TRPM3: variants seen among roughly 807,000 people sequenced by gnomAD.
TRPM3 encodes long transient receptor potential channel 3.
A neutral mutation model predicts 181.2 loss-of-function variants in TRPM3; 77 were observed. The ratio of observed to expected loss-of-function variants is 0.42; its 90% CI spans 0.35 to 0.51. TRPM3 has a LOEUF of 0.51. Among genes scored for constraint, TRPM3 ranks in the 20% least tolerant of loss-of-function variants. The pLI is 0.01. For missense variants in TRPM3, 1,759 were observed against 2,196.7 expected (o/e 0.80, Z 3.98); for synonymous variants, 745 against 796.4 (o/e 0.94, Z 1.09).
At chr9:70,866,146 C>T (rs2095645711) in intron 1 of TRPM3, among the ~76,000 whole-genome samples, 1 of 152,074 alleles carries the variant, frequency 6.6e-6, no homozygotes, top group African/African-American at 2.4e-5. Context: ...TCTCCAGACA[C>T]TGAATACTTT....
chr9:71,064,932 A>G (rs1415278904), intron 1 of TRPM3, among the ~76,000 whole-genome samples: 1 of 152,148 alleles, frequency 6.6e-6, no homozygotes, highest in Non-Finnish European at 1.5e-5. Context: ...GGCACATTCC[A>G]GTTATTCAAA....
intron 1 of TRPM3, among the ~76,000 whole-genome samples, chr9:71,402,107 C>G (rs906518852): frequency 6.6e-6 from 1 of 152,160 alleles, no homozygotes; most frequent in African/African-American, 2.4e-5. Context: ...TCGTCAATTA[C>G]TCATCGCAAA....
intron 1 of TRPM3, among the ~76,000 whole-genome samples, chr9:71,402,227 G>C (rs1304800997): frequency 6.6e-6 from 1 of 152,156 alleles, no homozygotes; most frequent in Non-Finnish European, 1.5e-5. Context: ...TATGTGTCTA[G>C]ACAATTTAAT....
intron 1 of TRPM3, among the ~76,000 whole-genome samples, chr9:71,004,727 C>T (rs1011833942): frequency 2.0e-5 from 3 of 151,918 alleles, no homozygotes; most frequent in Non-Finnish European, 4.4e-5. Flanking sequence ...GGATAGATAA[C>T]TAAATGAAAT....
At chr9:70,576,379 C>T (rs183913067) in intron 22 of TRPM3, among the ~76,000 whole-genome samples, 1 of 152,272 alleles carries the variant, frequency 6.6e-6, no homozygotes, top group African/African-American at 2.4e-5. Context: ...GTTCTTAAAT[C>T]CAGTTCTCAT....
intron 1 of TRPM3, among the ~76,000 whole-genome samples, chr9:71,313,708 A>C (rs1383803629): frequency 2.6e-5 from 4 of 152,134 alleles, no homozygotes; most frequent in African/African-American, 9.6e-5. Context: ...AAGATCACAT[A>C]ATCCATTTAA....
At chr9:71,204,194 A>C (rs2131748581) in intron 1 of TRPM3, among the ~76,000 whole-genome samples, 1 of 151,442 alleles carries the variant, frequency 6.6e-6, no homozygotes, top group Admixed American at 6.6e-5. Flanking sequence ...ATGGCAACAA[A>C]AGCCAAAATT....
intron 1 of TRPM3, among the ~76,000 whole-genome samples, chr9:71,034,055 G>A (rs1423944767): frequency 6.6e-6 from 1 of 152,188 alleles, no homozygotes; most frequent in African/African-American, 2.4e-5. Flanking sequence ...GAGAGAATGT[G>A]CAAACTCCAC....
At chr9:71,281,516 G>A (rs10869009) in intron 1 of TRPM3, among the ~76,000 whole-genome samples, 42,177 of 151,980 alleles carry the variant, frequency 0.28, 6,155 homozygotes, top group Middle Eastern at 0.5. Flanking sequence ...CATGGAATCC[G>A]CTCAATATAT....
At chr9:71,349,952 G>A (rs933062567) in intron 1 of TRPM3, among the ~76,000 whole-genome samples, 1 of 143,938 alleles carries the variant, frequency 6.9e-6, no homozygotes, top group Non-Finnish European at 1.5e-5. Flanking sequence ...TCATAATAAT[G>A]ATCTCATTGT....
Position 70,606,648 on chromosome 9 carries a change from T to TGC in TRPM3, c.2668-3179_2668-3178insGC, listed in dbSNP as rs2061193568. ...CTTTAATTGTGTGTGTGTGTGTGTG[T>TGC]GTGTATATATATATATATATGTATA... On this transcript the variant is annotated intron_variant, in intron 19 of 25. Coordinates refer to ENST00000677713, the MANE Select transcript of TRPM3 (RefSeq NM_001366145.2). Among the ~76,000 whole-genome samples the TGC allele has an allele frequency of 6.4e-5, 6 of 93,678 alleles. 1 individual carries two copies. The East Asian group carries it at 2.6e-3, about 40-fold the overall frequency. 61.5% of individuals were successfully genotyped at this position (93,678 alleles called of 152,430 possible). A position where few individuals can be genotyped will look rare whatever the true frequency, so the allele number is the denominator to read the frequency against.
chr9:70,978,720 T>C (rs1564890664), intron 1 of TRPM3, among the ~76,000 whole-genome samples: 1 of 152,218 alleles, frequency 6.6e-6, no homozygotes, highest in East Asian at 1.9e-4. Context: ...AAAACACCAA[T>C]GTATGAAATG....
At chr9:70,634,037 T>C (rs1211203068) in intron 12 of TRPM3, among the ~76,000 whole-genome samples, 1 of 152,200 alleles carries the variant, frequency 6.6e-6, no homozygotes, top group Non-Finnish European at 1.5e-5. Flanking sequence ...AACAACCACT[T>C]GGCTAAGATT....
At chr9:70,883,409 A>G (rs2096029835) in intron 1 of TRPM3, among the ~76,000 whole-genome samples, 1 of 152,232 alleles carries the variant, frequency 6.6e-6, no homozygotes, top group African/African-American at 2.4e-5. Context: ...GCAACTACAC[A>G]TGTATTAGCA....
At chr9:71,284,100 G>A (rs1346292912) in intron 1 of TRPM3, among the ~76,000 whole-genome samples, 1 of 137,998 alleles carries the variant, frequency 7.2e-6, no homozygotes, top group East Asian at 2.1e-4. Flanking sequence ...CTCACCTGTA[G>A]TACCAGCTTC....
At chr9:70,622,751 A>C (rs1287864351) in intron 14 of TRPM3, among the ~76,000 whole-genome samples, 1 of 152,192 alleles carries the variant, frequency 6.6e-6, no homozygotes, top group Non-Finnish European at 1.5e-5. Context: ...CACCATCTTG[A>C]AAGTTATTTG....
rs144267664 is a variant in TRPM3, at chr9:70,758,320, G to A, written c.1272+3281C>T. ...GGAGAACTACAAACCACTACTCAAG[G>A]AAATAAGAAAGGACACAAACAAATG... On this transcript the variant is annotated intron_variant, in intron 8 of 25. Coordinates refer to ENST00000677713, the MANE Select transcript of TRPM3 (RefSeq NM_001366145.2). Among the ~76,000 whole-genome samples, 143 of 152,236 alleles carry A rather than the reference G, an allele frequency of 9.4e-4. 8 individuals are homozygous for A. The East Asian group carries it at 0.026, about 27-fold the overall frequency.
intron 6 of TRPM3, among the ~76,000 whole-genome samples, chr9:70,806,714 A>ATAAAATAAAC (rs1207916269): frequency 8.6e-5 from 13 of 151,890 alleles, no homozygotes; most frequent in Non-Finnish European, 1.3e-4. Context: ...ATAAAATAAA[A>ATAAAATAAAC]TAAAATAAAA....
chr9:71,182,811 A>T (rs1380125032), intron 1 of TRPM3, among the ~76,000 whole-genome samples: 9 of 151,926 alleles, frequency 5.9e-5, no homozygotes, highest in African/African-American at 1.9e-4. Context: ...ACAGGCACGC[A>T]TCACCACTCT....
Sources: allele counts gnomAD v4.1 joint callset (sites outside exome capture counted in the v4.1 genomes callset), GRCh38; gene constraint gnomAD v4.1.1; transcripts MANE v1.5; gene names NCBI Gene and HGNC (gene_info 2026-07-23, HGNC 2026-07-21).